FRMD4B: variants seen among roughly 807,000 people sequenced by gnomAD.
The protein encoded by FRMD4B is FERM domain containing 4B.
In FRMD4B, 74 loss-of-function variants were observed where a neutral mutation model predicts 141.5. That is an observed-to-expected ratio of 0.52 (90% CI 0.43 to 0.63). The LOEUF is 0.63. Ranked by LOEUF, FRMD4B falls within the 30% of genes least tolerant of loss-of-function variation. The pLI, the probability that FRMD4B is intolerant of heterozygous loss-of-function variation, is 0.00. For missense variants in FRMD4B, 1,366 were observed against 1,253.4 expected (o/e 1.09, Z -1.36); for synonymous variants, 506 against 467.9 (o/e 1.08, Z -1.05).
intron 1 of FRMD4B, among the ~76,000 whole-genome samples, chr3:69,472,840 T>C (rs907198193): frequency 1.3e-5 from 2 of 151,970 alleles, no homozygotes; most frequent in Non-Finnish European, 2.9e-5. Flanking sequence ...ATTGGTCATA[T>C]TGGGAGTAGA....
chr3:69,389,726 A>G (rs563821959), upstream of FRMD4B, among the ~76,000 whole-genome samples: 1 of 152,262 alleles, frequency 6.6e-6, no homozygotes, highest in Non-Finnish European at 1.5e-5. Flanking sequence ...GTGGGTGGCA[A>G]CTGAACCCAG....
chr3:69,516,332 T>G (rs991120456), intron 1 of FRMD4B, among the ~76,000 whole-genome samples: 2 of 152,190 alleles, frequency 1.3e-5, no homozygotes, highest in Non-Finnish European at 2.9e-5. Context: ...AAGTTAAGGA[T>G]CTTAAGACGG....
chr3:69,267,566 CAT>C (rs201839093), intron 5 of FRMD4B, among the ~76,000 whole-genome samples: 2,359 of 123,392 alleles, frequency 0.019, 135 homozygotes, highest in East Asian at 0.058. Context: ...ATATTTAGTA[CAT>C]ATATATATAT....
In FRMD4B at chr3:69,438,728, C is replaced by T. The variant is rs75820962; in HGVS notation, c.-128-5967G>A. 3.6e-3 allele frequency among the ~76,000 whole-genome samples: 541 copies of T among 152,110 alleles called. 2 individuals carry two copies. Among genetic ancestry groups the T allele is most frequent in the African/African-American group, 0.012 (506 of 41,504 alleles). On this transcript the variant is annotated intron_variant, in intron 1 of 5. Transcript: ENST00000459638. ...GGATGCTGGGGTCCTTGCCTGGCTC[C>T]TCTCTGGTTCCAGTACTGCCTCCCA...
Position 69,171,697 on chromosome 3 carries a change from C to T in FRMD4B, c.*164G>A, listed in dbSNP as rs2092587924. 2 of 665,780 alleles carry T rather than the reference C, an allele frequency of 3.0e-6. No homozygotes were observed. Among genetic ancestry groups the T allele is most frequent in the Non-Finnish European group, 5.2e-6 (2 of 386,350 alleles). The allele number at this position is 665,780 out of a possible 1,614,324, so 41.2% of individuals were successfully genotyped here. A position where few individuals can be genotyped will look rare whatever the true frequency, so the allele number is the denominator to read the frequency against. ...ATCCTCCTTTAGGGGCTTTGTGGGG[C>T]TTGGTGTGTGATTCACTGATTCACT... On this transcript the variant is annotated 3_prime_UTR_variant, in exon 23 of 23. Transcript: ENST00000398540.
intron 1 of FRMD4B, among the ~76,000 whole-genome samples, chr3:69,508,938 G>C (rs1456279678): frequency 6.6e-6 from 1 of 152,206 alleles, no homozygotes; most frequent in Non-Finnish European, 1.5e-5. Flanking sequence ...GAATGTTGTA[G>C]AGCTAGAATT....
intron 1 of FRMD4B, among the ~76,000 whole-genome samples, chr3:69,488,755 T>G (rs966413154): frequency 2.6e-5 from 4 of 151,694 alleles, no homozygotes; most frequent in African/African-American, 4.8e-5. Context: ...TAGCTGGGCA[T>G]GGTGGCGGGT....
intron 1 of FRMD4B, chr3:69,472,495 A>G: frequency 3.0e-6 from 1 of 335,746 alleles, no homozygotes; most frequent in South Asian, 2.9e-5. Context: ...TGTTCTTTCA[A>G]AGCTTTGGAT....
intron 1 of FRMD4B, among the ~76,000 whole-genome samples, chr3:69,520,898 T>C (rs1439820209): frequency 6.6e-6 from 1 of 152,204 alleles, no homozygotes; most frequent in Non-Finnish European, 1.5e-5. Flanking sequence ...CCTGGTCTAC[T>C]TGAAAATGCA....
intron 22 of FRMD4B, among the ~76,000 whole-genome samples, chr3:69,175,492 C>G (rs373958046): frequency 6.6e-6 from 1 of 152,320 alleles, no homozygotes; most frequent in Non-Finnish European, 1.5e-5. Flanking sequence ...CTGGCTGTGT[C>G]TGTTGCTTCA....
intron 2 of FRMD4B, among the ~76,000 whole-genome samples, chr3:69,400,364 A>T (rs1004574627): frequency 6.7e-6 from 1 of 149,516 alleles, no homozygotes. Context: ...CCTGGGCAAC[A>T]GAGTGAGACC....
intron 2 of FRMD4B, among the ~76,000 whole-genome samples, chr3:69,429,114 T>G (rs1705134747): frequency 6.6e-6 from 1 of 152,142 alleles, no homozygotes; most frequent in South Asian, 2.1e-4. Context: ...AAGGTCAGAG[T>G]GTTCTATTAG....
intron 5 of FRMD4B, among the ~76,000 whole-genome samples, chr3:69,251,740 T>C (rs2093464701): frequency 6.6e-6 from 1 of 152,248 alleles, no homozygotes; most frequent in African/African-American, 2.4e-5. Context: ...CCAGGTTGAT[T>C]GCAGAAATCA....
chr3:69,181,862 T>C (rs1673996889), intron 20 of FRMD4B, among the ~76,000 whole-genome samples, 152 bp from the exon 21 acceptor site: 1 of 152,144 alleles, frequency 6.6e-6, no homozygotes, highest in Admixed American at 6.5e-5. Context: ...AATCCATTGT[T>C]CTCCAAATCT....
At chr3:69,211,023 G>GAAAAAAAAAAAAAAAA (rs541259572) in intron 11 of FRMD4B, among the ~76,000 whole-genome samples, 1 of 85,834 alleles carries the variant, frequency 1.2e-5, no homozygotes. Flanking sequence ...ATGCCATCTC[G>GAAAAAAAAAAAAAAAA]AAAAAAAAAA....
In FRMD4B at chr3:69,355,668, G is replaced by C. The variant is rs534617904; in HGVS notation, c.162+30160C>G. On this transcript the variant is annotated intron_variant, in intron 1 of 22. Coordinates refer to ENST00000398540, the MANE Select transcript of FRMD4B (RefSeq NM_015123.3). ...TGAAGGTTGACAGACCAAATTAGGGGGGAGGCTGGGTAAGCTCAGGTTATG... is the reference window on the plus strand; with the variant it reads ...TGAAGGTTGACAGACCAAATTAGGGCGGAGGCTGGGTAAGCTCAGGTTATG... 5.3e-5 allele frequency among the ~76,000 whole-genome samples: 8 copies of C among 152,234 alleles called. No individual in the cohort carries two copies. The South Asian group carries it at 1.7e-3, about 32-fold the overall frequency.
At chr3:69,274,874 A>C (rs145549728) in intron 5 of FRMD4B, among the ~76,000 whole-genome samples, 1 of 152,276 alleles carries the variant, frequency 6.6e-6, no homozygotes, top group East Asian at 1.9e-4. Flanking sequence ...ATAACGTTTT[A>C]TCTAACATCT....
At chr3:69,468,220 C>G (rs946808651) in intron 1 of FRMD4B, among the ~76,000 whole-genome samples, 2 of 110,072 alleles carry the variant, frequency 1.8e-5, no homozygotes, top group Non-Finnish European at 3.7e-5. Context: ...AAAAGTATCA[C>G]GGATCCTCAT....
At chr3:69,278,420 T>C (rs902145320) in intron 5 of FRMD4B, among the ~76,000 whole-genome samples, 1 of 152,076 alleles carries the variant, frequency 6.6e-6, no homozygotes, top group Non-Finnish European at 1.5e-5. Flanking sequence ...CACCTCTGCC[T>C]CCTGAGCAGC....
Sources: gnomAD v4.1 joint callset for allele counts (sites outside exome capture counted in the v4.1 genomes callset) on GRCh38, gnomAD v4.1.1 for gene constraint, MANE v1.5 for transcripts, NCBI Gene and HGNC (gene_info 2026-07-23, HGNC 2026-07-21) for gene names.